CHEK1: variants seen among roughly 807,000 people sequenced by gnomAD.
CHEK1 encodes checkpoint kinase 1, also known as serine/threonine-protein kinase Chk1.
In CHEK1, 32 loss-of-function variants were observed where a neutral mutation model predicts 60.2. That is an observed-to-expected ratio of 0.53 (90% CI 0.40 to 0.71). The LOEUF (loss-of-function observed/expected upper bound fraction) is 0.71, where lower values mean the gene tolerates loss of function less well. CHEK1 is among the 30% of genes least tolerant of loss of function. The probability of loss-of-function intolerance (pLI) is 0.00; values close to 1 mark genes in which losing one functional copy is unlikely to be tolerated. For synonymous variants in CHEK1, 179 were observed against 187.2 expected, an observed-to-expected ratio of 0.96 and a Z score of 0.36; for missense variants, 399 against 564.6, an observed-to-expected ratio of 0.71 and a Z score of 2.97.
In CHEK1 at chr11:125,655,236, G is replaced by A. The variant is rs773229687; in HGVS notation, c.1347G>A (p.Leu449=). 4.3e-6 allele frequency: 7 copies of A among 1,612,066 alleles called. No homozygotes were observed. Among genetic ancestry groups the A allele is most frequent in the South Asian group, 1.1e-5 (1 of 90,944 alleles). The change falls in exon 13 of 13, where the codon TTG becomes TTA. Residue 449 remains leucine (L), a synonymous_variant. Transcript: ENST00000438015. ...TATTTCTAATATAGGGTGATGGATT[G>A]GAGTTCAAGAGACACTTCCTGAAGA... The part of the protein sequence containing the change: ...VDFRLSKGDG[L]EFKRHFLKIK...
Position 125,638,223 on chromosome 11 carries a change from T to C in CHEK1, c.814+679T>C, listed in dbSNP as rs572124116. ...TAGTCATATCTTCGGTTTAAAAATATTTCTCTGACTTCCTTATTTTTTTTC... is the reference window on the plus strand; with the variant it reads ...TAGTCATATCTTCGGTTTAAAAATACTTCTCTGACTTCCTTATTTTTTTTC... On this transcript the variant is annotated intron_variant, in intron 8 of 12. Transcript: ENST00000438015. 8.5e-5 allele frequency among the ~76,000 whole-genome samples: 13 copies of C among 152,334 alleles called. No individual in the cohort carries two copies. In the East Asian group the frequency reaches 2.3e-3, roughly 27 times the overall value.
intron 5 of CHEK1, 87 bp from the exon 6 acceptor site, chr11:125,633,076 T>C (rs1940929334): frequency 8.2e-7 from 1 of 1,224,958 alleles, no homozygotes; most frequent in Admixed American, 3.1e-5. Flanking sequence ...ACACCAGTGA[T>C]TTTTTTTCAG....
downstream of CHEK1, chr11:125,678,164 C>G (rs746740200): frequency 2.5e-6 from 4 of 1,614,052 alleles, no homozygotes; most frequent in Admixed American, 1.7e-5. Context: ...TTAAAGTGTT[C>G]AGGCCTGAAG....
At chr11:125,641,040 T>C (rs544536383) in intron 8 of CHEK1, among the ~76,000 whole-genome samples, 2 of 152,190 alleles carry the variant, frequency 1.3e-5, no homozygotes, top group South Asian at 4.1e-4. Flanking sequence ...TCACGTTCCA[T>C]GTGCTACCTG....
At chr11:125,630,356 G>GAGTTGT (rs1940815952) in intron 5 of CHEK1, among the ~76,000 whole-genome samples, 1 of 151,710 alleles carries the variant, frequency 6.6e-6, no homozygotes, top group African/African-American at 2.4e-5. Context: ...TGTTGCCCAG[G>GAGTTGT]CTGGAGTGTA....
chr11:125,629,176 T>C, intron 3 of CHEK1, 56 bp from the exon 4 acceptor site: 1 of 1,524,018 alleles, frequency 6.6e-7, no homozygotes, highest in Non-Finnish European at 9.1e-7. Flanking sequence ...TAAGAAGCTA[T>C]GTGGTTGCTA....
rs1179368568 is a variant in CHEK1, at chr11:125,625,476, C to T, written c.-557C>T. The T allele has an allele frequency of 5.5e-6, 2 of 366,702 alleles. No homozygotes were observed. The highest frequency in any genetic ancestry group is 9.9e-6 in the Non-Finnish European group (2 of 201,662). The allele number at this position is 366,702 out of a possible 1,614,324, so 22.7% of individuals were successfully genotyped here. ...AGCAGCTGCTGCTGGTTTCTCGGCT[C>T]CAGCACCACGAGTACCGCACTCTGA... On this transcript the variant is annotated 5_prime_UTR_variant, in exon 1 of 13. Transcript: ENST00000438015.
intron 2 of CHEK1, among the ~76,000 whole-genome samples, chr11:125,627,037 GTTA>G (rs1413372472): frequency 6.6e-6 from 1 of 152,154 alleles, no homozygotes; most frequent in African/African-American, 2.4e-5. Flanking sequence ...GGGACACGAA[GTTA>G]TTGTTTCCAT....
At chr11:125,639,164 T>G (rs1163566392) in intron 8 of CHEK1, among the ~76,000 whole-genome samples, 1 of 152,092 alleles carries the variant, frequency 6.6e-6, no homozygotes, top group African/African-American at 2.4e-5. Flanking sequence ...TAAAACCCAG[T>G]AAGTAGTTTC....
chr11:125,679,303 C>T (rs1250857701), downstream of CHEK1, among the ~76,000 whole-genome samples: 10 of 149,572 alleles, frequency 6.7e-5, no homozygotes, highest in East Asian at 7.9e-4. Flanking sequence ...CTGCAACCTC[C>T]GCCTCCCGGG....
intron 8 of CHEK1, among the ~76,000 whole-genome samples, chr11:125,638,820 T>C (rs1941171902): frequency 6.6e-6 from 1 of 152,214 alleles, no homozygotes; most frequent in Non-Finnish European, 1.5e-5. Context: ...TTCTTGGTGA[T>C]TTAAATATTT....
intron 8 of CHEK1, among the ~76,000 whole-genome samples, chr11:125,639,486 C>T (rs1053225045): frequency 1.4e-4 from 21 of 145,136 alleles, no homozygotes; most frequent in East Asian, 4.1e-4. Flanking sequence ...ATTCGATTCT[C>T]GTGCCTTAGC....
chr11:125,643,648 A>T (rs1424708180), intron 8 of CHEK1, 144 bp from the exon 9 acceptor site: 2 of 595,672 alleles, frequency 3.4e-6, no homozygotes, highest in African/African-American at 3.7e-5. Flanking sequence ...ATATAGGAAG[A>T]CTTTGTTTTA....
intron 11 of CHEK1, among the ~76,000 whole-genome samples, chr11:125,652,870 A>G (rs983295133): frequency 3.3e-5 from 5 of 152,152 alleles, no homozygotes; most frequent in African/African-American, 7.2e-5. Flanking sequence ...TTGAAACTCT[A>G]TTATTGTTAA....
chr11:125,646,542 CTG>C (rs1392729699), intron 11 of CHEK1, among the ~76,000 whole-genome samples: 5 of 152,112 alleles, frequency 3.3e-5, no homozygotes, highest in African/African-American at 2.4e-5. Context: ...TTTTGAGAAA[CTG>C]TGAAATGATT....
downstream of CHEK1, among the ~76,000 whole-genome samples, chr11:125,679,839 AAAGGT>A (rs1361401865): frequency 6.6e-6 from 1 of 152,212 alleles, no homozygotes; most frequent in Non-Finnish European, 1.5e-5. Context: ...TTGATAAAGG[AAAGGT>A]AAGATTTAGT....
rs561859945 is a variant in CHEK1, at chr11:125,653,802, G to A, written c.1290G>A (p.Leu430=). 2 of 1,595,030 alleles carry A rather than the reference G, an allele frequency of 1.3e-6. No homozygotes were observed. Among genetic ancestry groups the A allele is most frequent in the South Asian group, 2.3e-5 (2 of 88,250 alleles). ...ATAAACTCATTTTCAAAGTGAATTT[G>A]TTAGAAATGGATGATAAAATATTGG... The part of the protein sequence containing the change: ...RNNKLIFKVN[L]LEMDDKILVD... Residue 430 remains leucine (L), a synonymous_variant, in exon 12 of 13, where the codon TTG becomes TTA. Transcript: ENST00000438015. This position sits in a 1 kb window ranked among gnomAD's most constrained non-coding sequence, Gnocchi z 4.3.
At chr11:125,640,300 G>A (rs1225637377) in intron 8 of CHEK1, among the ~76,000 whole-genome samples, 1 of 152,044 alleles carries the variant, frequency 6.6e-6, no homozygotes, top group Non-Finnish European at 1.5e-5. Context: ...CCAGCACTTT[G>A]GGAGGCCAAG....
downstream of CHEK1, among the ~76,000 whole-genome samples, chr11:125,679,189 T>TCTC (rs1383467808): frequency 8.8e-5 from 13 of 147,834 alleles, no homozygotes; most frequent in Admixed American, 2.7e-4. Flanking sequence ...TTCTGGCCAG[T>TCTC]CTCTTCTACC....
Sources: gnomAD v4.1 joint callset for allele counts (sites outside exome capture counted in the v4.1 genomes callset) on GRCh38, gnomAD v4.1.1 for gene constraint, Gnocchi (gnomAD v3.1) non-coding constraint, MANE v1.5 for transcripts, NCBI Gene and HGNC (gene_info 2026-07-23, HGNC 2026-07-21) for gene names.